Variants in DPYSL2 observed in about 807,000 individuals in gnomAD.
The protein encoded by DPYSL2 is dihydropyrimidinase-related protein 2.
A neutral mutation model predicts 69.9 loss-of-function variants in DPYSL2; 13 were observed. The observed-to-expected ratio is 0.19, with a 90% confidence interval of 0.12 to 0.30. The LOEUF (loss-of-function observed/expected upper bound fraction) is 0.30. Among genes scored for constraint, DPYSL2 ranks in the 10% least tolerant of loss-of-function variants. DPYSL2 has a pLI of 1.00. For missense variants in DPYSL2, 587 were observed against 918.9 expected (o/e 0.64, Z 4.67); for synonymous variants, 326 against 359.1 (o/e 0.91, Z 1.04).
At chr8:26,524,441 C>T (rs533631329) in intron 1 of DPYSL2, among the ~76,000 whole-genome samples, 18 of 151,988 alleles carry the variant, frequency 1.2e-4, no homozygotes, top group Non-Finnish European at 2.1e-4. Flanking sequence ...AATCTTACTG[C>T]GTAAAAATAA....
chr8:26,620,268 T>C lies in DPYSL2; in HGVS notation c.629-3875T>C, dbSNP rs1802451375. ...GAAATGAGCTTTTATTTTTTTCCTT[T>C]TTTTTTGAGGCAGTCTCTTGCTCTG... is the stretch of plus-strand genomic sequence containing the variant. On this transcript the variant is annotated intron_variant, in intron 3 of 13. Transcript: ENST00000521913. This position sits in a 1 kb window ranked among gnomAD's most constrained non-coding sequence, Gnocchi z 4.5. Among the ~76,000 whole-genome samples, 1 of 152,144 alleles carries C rather than the reference T, an allele frequency of 6.6e-6. No homozygotes were observed. Among genetic ancestry groups the C allele is most frequent in the Non-Finnish European group, 1.5e-5 (1 of 68,010 alleles).
chr8:26,570,850 CTCG>C (rs1801225775), intron 1 of DPYSL2, among the ~76,000 whole-genome samples: 1 of 151,966 alleles, frequency 6.6e-6, no homozygotes, highest in Non-Finnish European at 1.5e-5. Context: ...CTTTTCTCTC[CTCG>C]TCTATAAAAT....
At position 26,572,000 on chromosome 8, in the gene DPYSL2, C is replaced by T. The variant is rs1213711048; in HGVS notation, c.355-9969C>T. ...TGGCAAAGAAGGATTCCAGTACCTT[C>T]TCTTTACTGCCGCATTCATTTCAAC... On this transcript the variant is annotated intron_variant, in intron 1 of 13. Coordinates refer to ENST00000521913, the MANE Select transcript of DPYSL2 (RefSeq NM_001197293.3). This position sits in a 1 kb window ranked among gnomAD's most constrained non-coding sequence, Gnocchi z 6.1. Among the ~76,000 whole-genome samples, 1 of 152,236 alleles carries T rather than the reference C, an allele frequency of 6.6e-6. No homozygotes were observed. Among genetic ancestry groups the T allele is most frequent in the Non-Finnish European group, 1.5e-5 (1 of 68,040 alleles).
rs186343754 is a variant in DPYSL2, at chr8:26,646,353, A to G, written c.1426-1277A>G. On this transcript the variant is annotated intron_variant, in intron 10 of 13. Transcript: ENST00000521913. ...GGTACATATTGTCAAAGTTCCTTCC[A>G]GAAAGTTTGTACTGCTTTATACGCC... Among the ~76,000 whole-genome samples, 843 of 152,326 alleles carry G rather than the reference A, an allele frequency of 5.5e-3. 5 individuals are homozygous for G. Among genetic ancestry groups the G allele is most frequent in the Non-Finnish European group, 8.9e-3 (606 of 68,036 alleles).
At chr8:26,518,222 T>C (rs771081146) in intron 1 of DPYSL2, among the ~76,000 whole-genome samples, 1 of 152,086 alleles carries the variant, frequency 6.6e-6, no homozygotes, top group Non-Finnish European at 1.5e-5. Flanking sequence ...AGATTTGGAA[T>C]AAAGGCAATA....
chr8:26,577,216 C>T (rs17088240), intron 1 of DPYSL2: 22 of 421,844 alleles, frequency 5.2e-5, no homozygotes, highest in South Asian at 3.6e-4. Flanking sequence ...CAGCCTCCCC[C>T]CGGCCCGCGC....
At chr8:26,630,663 A>G (rs1802750480) in intron 7 of DPYSL2, among the ~76,000 whole-genome samples, 1 of 152,164 alleles carries the variant, frequency 6.6e-6, no homozygotes, top group Non-Finnish European at 1.5e-5. Context: ...CACCATTTAC[A>G]TTCTACTGCC....
Position 26,656,699 on chromosome 8 carries a change from G to C in DPYSL2, c.*993G>C, listed in dbSNP as rs972122286. 4.6e-5 allele frequency: 7 copies of C among 152,688 alleles called. No homozygotes were observed. The highest frequency in any genetic ancestry group is 1.7e-4 in the African/African-American group (7 of 41,422). 9.5% of individuals were successfully genotyped at this position (152,688 alleles called of 1,614,324 possible). A position where few individuals can be genotyped will look rare whatever the true frequency, so the allele number is the denominator to read the frequency against. On this transcript the variant is annotated 3_prime_UTR_variant, in exon 14 of 14. Coordinates refer to ENST00000521913, the MANE Select transcript of DPYSL2 (RefSeq NM_001197293.3). ...GTGCTGTGTCATCCTGGTCCATGTA[G>C]GACTGGTGCTAACCACCTGCCATCA...
intron 7 of DPYSL2, among the ~76,000 whole-genome samples, chr8:26,633,081 G>C (rs1388772397): frequency 1.3e-5 from 2 of 152,194 alleles, no homozygotes; most frequent in Non-Finnish European, 2.9e-5. Flanking sequence ...GTTATTTCTT[G>C]TGAAAAATAA....
At chr8:26,554,366 G>T (rs200454701) in intron 1 of DPYSL2, among the ~76,000 whole-genome samples, 68 of 146,010 alleles carry the variant, frequency 4.7e-4, no homozygotes, top group African/African-American at 1.6e-3. Flanking sequence ...GTTTTTAATG[G>T]TTTTTTTTTT....
intron 1 of DPYSL2, among the ~76,000 whole-genome samples, chr8:26,521,345 TTGAC>T (rs35524828): frequency 0.71 from 107,269 of 151,698 alleles, 40,810 homozygotes; most frequent in East Asian, 0.9. Flanking sequence ...GGCTCTGCCA[TTGAC>T]TGACTGTGTG....
At position 26,533,154 on chromosome 8, in the gene DPYSL2, G is replaced by A. The variant is rs1403280221; in HGVS notation, c.354+18475G>A. On this transcript the variant is annotated intron_variant, in intron 1 of 13. Coordinates refer to ENST00000521913, the MANE Select transcript of DPYSL2 (RefSeq NM_001197293.3). This position sits in a 1 kb window ranked among gnomAD's most constrained non-coding sequence, Gnocchi z 4.8. ...GATGCCATTGAGCATCTTTTCATGT[G>A]CTTATGTCATTTGTATCTCTTTGGA... Among the ~76,000 whole-genome samples, 1 of 152,116 alleles carries A rather than the reference G, an allele frequency of 6.6e-6. No homozygotes were observed. The highest frequency in any genetic ancestry group is 1.5e-5 in the Non-Finnish European group (1 of 68,012).
At position 26,591,358 on chromosome 8, in the gene DPYSL2, C is replaced by T. The variant is rs563417934; in HGVS notation, c.628+7375C>T. On this transcript the variant is annotated intron_variant, in intron 3 of 13. Transcript: ENST00000521913. The surrounding 1 kb of genome is among the most constrained non-coding windows in gnomAD (Gnocchi z 5.8). ...ATGTGAGGGTCAGGCATTCAGTGGT[C>T]GGGTCTCAGGGTTCCTTATTGCTAG... Among the ~76,000 whole-genome samples, 91 of 152,272 alleles carry T rather than the reference C, an allele frequency of 6.0e-4. No individual in the cohort carries two copies. Among genetic ancestry groups the T allele is most frequent in the Non-Finnish European group, 9.7e-4 (66 of 68,022 alleles).
chr8:26,629,306 A>G (rs1476919720), intron 7 of DPYSL2, among the ~76,000 whole-genome samples: 2 of 152,010 alleles, frequency 1.3e-5, no homozygotes, highest in African/African-American at 4.8e-5. Flanking sequence ...AGCCATAGAC[A>G]CCTACACACA....
At chr8:26,655,572 G>T (rs1803366259) in intron 13 of DPYSL2, 43 bp from the exon 14 acceptor site, 6 of 1,535,604 alleles carry the variant, frequency 3.9e-6, no homozygotes, top group Non-Finnish European at 5.3e-6. Flanking sequence ...TTGTGTGACT[G>T]TCCTGGCCCC....
chr8:26,574,889 C>CT (rs1414899570), intron 1 of DPYSL2, among the ~76,000 whole-genome samples: 7 of 152,308 alleles, frequency 4.6e-5, no homozygotes, highest in African/African-American at 1.7e-4. Context: ...CCCCCAGTAG[C>CT]TGGGACCACA....
chr8:26,577,712 G>A (rs995272406), intron 1 of DPYSL2: 2 of 754,646 alleles, frequency 2.7e-6, no homozygotes, highest in Admixed American at 6.3e-5. Context: ...CGAAGAAAGC[G>A]CGCGAAAGGC....
intron 1 of DPYSL2, among the ~76,000 whole-genome samples, chr8:26,550,384 C>T (rs148833369): frequency 1.9e-4 from 29 of 151,940 alleles, no homozygotes; most frequent in South Asian, 1.3e-3. Flanking sequence ...AAGAAAGAAA[C>T]GAAGAACAAG....
At position 26,609,161 on chromosome 8, in the gene DPYSL2, A is replaced by G. The variant is rs1802173980; in HGVS notation, c.629-14982A>G. 6.6e-6 allele frequency among the ~76,000 whole-genome samples: 1 copy of G among 152,198 alleles called. No homozygotes were observed. Among genetic ancestry groups the G allele is most frequent in the Non-Finnish European group, 1.5e-5 (1 of 68,038 alleles). ...ATTATGTATTGTCTGCCCATAAATG[A>G]TGTCTTGAAATAGAGGGGTGAGCAT... On this transcript the variant is annotated intron_variant, in intron 3 of 13. Coordinates refer to ENST00000521913, the MANE Select transcript of DPYSL2 (RefSeq NM_001197293.3). The surrounding 1 kb of genome is among the most constrained non-coding windows in gnomAD (Gnocchi z 6.5).
Sources: gnomAD v4.1 joint callset for allele counts (sites outside exome capture counted in the v4.1 genomes callset) on GRCh38, gnomAD v4.1.1 for gene constraint, Gnocchi (gnomAD v3.1) non-coding constraint, MANE v1.5 for transcripts, NCBI Gene and HGNC (gene_info 2026-07-23, HGNC 2026-07-21) for gene names.